The following TCF25 variants were observed in gnomAD, a reference collection of about 807,000 sequenced individuals.
The protein encoded by TCF25 is TCF25 ribosome quality control complex subunit.
A neutral mutation model predicts 83.1 loss-of-function variants in TCF25; 41 were observed. The ratio of observed to expected loss-of-function variants is 0.49; its 90% CI spans 0.38 to 0.64. TCF25 has a LOEUF of 0.64. TCF25 is among the 30% of genes least tolerant of loss of function. The pLI, the probability that TCF25 is intolerant of heterozygous loss-of-function variation, is 0.00. For missense variants in TCF25, 979 were observed against 914.5 expected, an observed-to-expected ratio of 1.07 and a Z score of -0.91; for synonymous variants, 458 against 365.0, an observed-to-expected ratio of 1.25 and a Z score of -2.90.
At chr16:89,880,904 A>C (rs1307093534) in intron 1 of TCF25, among the ~76,000 whole-genome samples, 2 of 152,302 alleles carry the variant, frequency 1.3e-5, no homozygotes, top group African/African-American at 4.8e-5. Flanking sequence ...GCCCATGCCT[A>C]GGCCCCAGCT....
At chr16:89,899,621 G>C (rs934849957) in intron 11 of TCF25, among the ~76,000 whole-genome samples, 1 of 152,066 alleles carries the variant, frequency 6.6e-6, no homozygotes, top group Non-Finnish European at 1.5e-5. Context: ...CCAGCTACTC[G>C]GGAGGCTGAG....
chr16:89,895,115 G>A lies in TCF25; in HGVS notation c.906G>A (p.Gln302=). ...ATGCCTGCCGCTTTCAAGAGGATCA[G>A]GAGATGGCTCGAGACCTCGTAGGTA... ...LSDACRFQED[Q]EMARDLVERA... Residue 302 remains glutamine (Q), a synonymous_variant, in exon 8 of 18, where the codon CAG becomes CAA. Transcript: ENST00000263346. 1 of 1,613,018 alleles carries A rather than the reference G, an allele frequency of 6.2e-7. No individual in the cohort carries two copies. Among genetic ancestry groups the A allele is most frequent in the Non-Finnish European group, 8.5e-7 (1 of 1,179,678 alleles).
chr16:89,879,286 T>C (rs556981896), intron 1 of TCF25, among the ~76,000 whole-genome samples: 6 of 145,808 alleles, frequency 4.1e-5, no homozygotes, highest in African/African-American at 1.6e-4. Context: ...GTGTTGTCCG[T>C]GTACACAGAC....
intron 13 of TCF25, 31 bp downstream of exon 13, chr16:89,904,236 G>C (rs895698120): frequency 6.4e-7 from 1 of 1,551,142 alleles, no homozygotes; most frequent in Admixed American, 2.0e-5. Flanking sequence ...CCCATCTGTG[G>C]GTGCCTGTGG....
In TCF25 at chr16:89,873,694, G is replaced by T; in HGVS notation, c.27G>T (p.Leu9=). The part of the protein sequence containing the change: MSRRALRR[L]RGEQRGQEPL... ...TGTCGCGCCGGGCCCTCCGGAGGCT[G>T]AGGGGGGAACAGCGCGGCCAGGAGC... is the stretch of plus-strand genomic sequence containing the variant. Residue 9 remains leucine (L), a synonymous_variant, in exon 1 of 18, where the codon CTG becomes CTT. Transcript: ENST00000263346. 1 of 1,607,750 alleles carries T rather than the reference G, an allele frequency of 6.2e-7. No homozygotes were observed. Among genetic ancestry groups the T allele is most frequent in the Admixed American group, 1.7e-5 (1 of 59,352 alleles).
chr16:89,878,571 C>A, intron 1 of TCF25: 1 of 1,175,252 alleles, frequency 8.5e-7, no homozygotes, highest in Non-Finnish European at 1.1e-6. Context: ...TGGACAAGAA[C>A]CTTGTGAAAT....
chr16:89,889,416 A>G (rs576980027), intron 5 of TCF25: 2 of 250,904 alleles, frequency 8.0e-6, no homozygotes, highest in Admixed American at 5.1e-5. Context: ...GCTTCAAGCG[A>G]TTCTCCTCCC....
Position 89,911,337 on chromosome 16 carries a change from C to A in TCF25, c.*99C>A. On this transcript the variant is annotated 3_prime_UTR_variant, in exon 18 of 18. Transcript: ENST00000263346. ...CCTGAAGTAGGGAAGCTGAGTGTGT[C>A]GCTCCCTGGTCCACTGTTTCTCCTA... 2.0e-6 allele frequency: 3 copies of A among 1,477,790 alleles called. No homozygotes were observed. The highest frequency in any genetic ancestry group is 2.8e-6 in the Non-Finnish European group (3 of 1,078,488). 91.5% of individuals were successfully genotyped at this position (1,477,790 alleles called of 1,614,324 possible).
intron 16 of TCF25, chr16:89,910,061 C>G (rs556493058): frequency 6.5e-6 from 1 of 154,678 alleles, no homozygotes; most frequent in Non-Finnish European, 1.4e-5. Flanking sequence ...CAGGGTGTTG[C>G]AGCATTGAGG....
rs200882968 is a variant in TCF25, at chr16:89,883,323, C to T, written c.193-28C>T. 3.1e-5 allele frequency: 50 copies of T among 1,610,530 alleles called. No individual in the cohort carries two copies. The African/African-American group carries it at 4.5e-4, about 15-fold the overall frequency. ...GAGCGTTCACACTGTAAGTAACGCCCTGGCTCTTCTCCAACCTGTTTTTCC... is the reference window on the plus strand; with the variant it reads ...GAGCGTTCACACTGTAAGTAACGCCTTGGCTCTTCTCCAACCTGTTTTTCC... On this transcript the variant is annotated intron_variant, in intron 1 of 17. Transcript: ENST00000263346.
chr16:89,879,474 G>A (rs1419345031), intron 1 of TCF25, among the ~76,000 whole-genome samples: 5 of 91,100 alleles, frequency 5.5e-5, no homozygotes, highest in East Asian at 3.8e-4. Context: ...TGGGCTTCGG[G>A]GCCTGTCACA....
intron 1 of TCF25, among the ~76,000 whole-genome samples, chr16:89,875,801 C>T (rs1181487663): frequency 2.3e-5 from 3 of 132,560 alleles, no homozygotes; most frequent in African/African-American, 8.3e-5. Flanking sequence ...GGATTACAGG[C>T]GTGAGCCACT....
intron 14 of TCF25, among the ~76,000 whole-genome samples, chr16:89,905,672 A>T (rs1567736849): frequency 6.6e-6 from 1 of 152,210 alleles, no homozygotes; most frequent in African/African-American, 2.4e-5. Context: ...CGCGGACATG[A>T]GGTGTGCCCG....
In TCF25 at chr16:89,899,012, C is replaced by G. The variant is rs1308498105; in HGVS notation, c.1221+140C>G. The G allele has an allele frequency of 5.0e-6, 4 of 802,442 alleles. No individual in the cohort carries two copies. In the South Asian group the frequency reaches 6.4e-5, roughly 13 times the overall value. The allele number at this position is 802,442 out of a possible 1,614,324, so 49.7% of individuals were successfully genotyped here. A position where few individuals can be genotyped will look rare whatever the true frequency, so the allele number is the denominator to read the frequency against. On this transcript the variant is annotated intron_variant, in intron 11 of 17. Coordinates refer to ENST00000263346, the MANE Select transcript of TCF25 (RefSeq NM_014972.3). ...CTGAGGGCAGAACCACGTCCTCCTG[C>G]CTTGTTTGTCTCCCTTGCCGCCTCT...
chr16:89,909,597 G>A (rs946456148), intron 16 of TCF25: 4 of 151,216 alleles, frequency 2.6e-5, no homozygotes, highest in African/African-American at 9.9e-5. Flanking sequence ...AGAATCCCTT[G>A]AACCCGGAAG....
At chr16:89,904,233 G>A (rs2044586171) in intron 13 of TCF25, 28 bp downstream of exon 13, 2 of 1,550,686 alleles carry the variant, frequency 1.3e-6, no homozygotes, top group African/African-American at 1.4e-5. Context: ...GTGCCCATCT[G>A]TGGGTGCCTG....
chr16:89,894,262 C>T (rs976990590), intron 7 of TCF25, among the ~76,000 whole-genome samples: 3 of 150,174 alleles, frequency 2.0e-5, no homozygotes, highest in African/African-American at 4.9e-5. Context: ...ACGGCCCCCG[C>T]GCAGCCCCAG....
intron 1 of TCF25, chr16:89,878,434 ATT>A (rs34120033): frequency 0.072 from 69,764 of 975,128 alleles, 394 homozygotes; most frequent in African/African-American, 0.16. Flanking sequence ...AAAAATCACC[ATT>A]TTTTTTTTTT....
In TCF25 at chr16:89,895,143, G is replaced by T. The variant is rs1319026030; in HGVS notation, c.928+6G>T. The T allele has an allele frequency of 6.2e-7, 1 of 1,611,240 alleles. No homozygotes were observed. Among genetic ancestry groups the T allele is most frequent in the South Asian group, 1.1e-5 (1 of 90,796 alleles). On this transcript the variant is annotated splice_donor_region_variant and intron_variant, in intron 8 of 17. Transcript: ENST00000263346. ...GATGGCTCGAGACCTCGTAGGTAAG[G>T]CAGAGCCCCCACCCCATTCCCCTCA...
Sources: allele counts gnomAD v4.1 joint callset (sites outside exome capture counted in the v4.1 genomes callset), GRCh38; gene constraint gnomAD v4.1.1; transcripts MANE v1.5; gene names NCBI Gene and HGNC (gene_info 2026-07-23, HGNC 2026-07-21).